Variants in TAC4 observed in about 807,000 individuals in gnomAD.
TAC4 encodes the protein tachykinin-4.
TAC4 carries 17 observed loss-of-function variants against 17.7 expected under a neutral mutation model. That is an observed-to-expected ratio of 0.96 (90% CI 0.66 to 1.44). The LOEUF (loss-of-function observed/expected upper bound fraction) is 1.44, where lower values mean the gene tolerates loss of function less well. Among genes scored for constraint, TAC4 ranks in the 40% most tolerant of loss-of-function variants. The pLI, the probability that TAC4 is intolerant of heterozygous loss-of-function variation, is 0.00. For missense variants in TAC4, 118 were observed against 125.6 expected, an observed-to-expected ratio of 0.94 and a Z score of 0.29; for synonymous variants, 62 against 52.4, an observed-to-expected ratio of 1.18 and a Z score of -0.79.
At position 49,847,894 on chromosome 17, in the gene TAC4, C is replaced by A; in HGVS notation, c.105+19G>T. On this transcript the variant is annotated intron_variant, in intron 1 of 4. Transcript: ENST00000436235. Reference sequence around the variant, plus strand: ...TCGTCAGAGCCTCTCCCCAAAAGTACCTCCAAGGCCACAATTACCCAGGTC... The same window carrying A: ...TCGTCAGAGCCTCTCCCCAAAAGTAACTCCAAGGCCACAATTACCCAGGTC... 1.2e-6 allele frequency: 2 copies of A among 1,613,772 alleles called. No homozygotes were observed. Among genetic ancestry groups the A allele is most frequent in the Non-Finnish European group, 1.7e-6 (2 of 1,179,932 alleles).
At position 49,838,547 on chromosome 17, in the gene TAC4, A is replaced by G. The variant is rs2074472999; in HGVS notation, c.*95T>C. ...AGTGCCAGCGATGAGGACAGGAGACACAGAGAAGAGAGTTGGCCTGCCGGC... is the reference window on the plus strand; with the variant it reads ...AGTGCCAGCGATGAGGACAGGAGACGCAGAGAAGAGAGTTGGCCTGCCGGC... On this transcript the variant is annotated 3_prime_UTR_variant, in exon 5 of 5. Transcript: ENST00000436235. The G allele has an allele frequency of 1.3e-6, 2 of 1,487,274 alleles. No individual in the cohort carries two copies. The highest frequency in any genetic ancestry group is 2.8e-5 in the African/African-American group (2 of 72,260). 92.1% of individuals were successfully genotyped at this position (1,487,274 alleles called of 1,614,324 possible). A position where few individuals can be genotyped will look rare whatever the true frequency, so the allele number is the denominator to read the frequency against.
chr17:49,845,525 C>T (rs151331762), intron 1 of TAC4, among the ~76,000 whole-genome samples: 1 of 152,334 alleles, frequency 6.6e-6, no homozygotes, highest in East Asian at 1.9e-4. Flanking sequence ...GCCCAGCACA[C>T]ATGGGACACA....
In TAC4 at chr17:49,848,010, G is replaced by C; in HGVS notation, c.8C>G (p.Pro3Arg). The C allele has an allele frequency of 6.2e-7, 1 of 1,614,142 alleles. No individual in the cohort carries two copies. Among genetic ancestry groups the C allele is most frequent in the Non-Finnish European group, 8.5e-7 (1 of 1,180,024 alleles). The change falls in exon 1 of 5, where the codon CCT (proline) becomes CGT (arginine). Residue 3 changes from proline to arginine, a missense_variant. Coordinates refer to ENST00000436235, the MANE Select transcript of TAC4 (RefSeq NM_001077506.2). ...CATCAGGAGAAGCAGGGCGAGGCAA[G>C]GCAGCATGGTGAGCCTGCACTGTCC... ML[P>R]CLALLLLMEL...
Position 49,841,541 on chromosome 17 carries a change from G to A in TAC4, c.232+11C>T. On this transcript the variant is annotated intron_variant, in intron 3 of 4. Coordinates refer to ENST00000436235, the MANE Select transcript of TAC4 (RefSeq NM_001077506.2). Reference sequence around the variant, plus strand: ...GGGGGCATGTTGAAGGCAGGTTTGGGCAATACTTACCTTTTTTTCTCCTTG... The same window carrying A: ...GGGGGCATGTTGAAGGCAGGTTTGGACAATACTTACCTTTTTTTCTCCTTG... The A allele has an allele frequency of 6.3e-7, 1 of 1,578,560 alleles. No homozygotes were observed. The highest frequency in any genetic ancestry group is 8.6e-7 in the Non-Finnish European group (1 of 1,163,550).
chr17:49,841,900 TC>T (rs371731544), intron 2 of TAC4, among the ~76,000 whole-genome samples: 1 of 143,862 alleles, frequency 7.0e-6, no homozygotes, highest in East Asian at 2.1e-4. Flanking sequence ...GGAGATTTAA[TC>T]TTTTTTTTTT....
At chr17:49,841,901 CTTTTTTTTTTT>C (rs1161302297) in intron 2 of TAC4, among the ~76,000 whole-genome samples, 10 of 99,134 alleles carry the variant, frequency 1.0e-4, no homozygotes, top group East Asian at 3.0e-4. Flanking sequence ...GAGATTTAAT[CTTTTTTTTTTT>C]TTTTTTTTTT....
At chr17:49,847,789 A>G in intron 1 of TAC4, 124 bp downstream of exon 1, 1 of 1,552,166 alleles carries the variant, frequency 6.4e-7, no homozygotes, top group Non-Finnish European at 8.8e-7. Context: ...GAGTCAGACA[A>G]CTTGCCTTGC....
rs1466148781 is a variant in TAC4 at position 49,847,806 on chromosome 17, C to T, written c.105+107G>A. ...GTCAGACAACTTGCCTTGCAGACTGCCTGCTCTCCCAGCAGCCATGCAGGG... is the reference window on the plus strand; with the variant it reads ...GTCAGACAACTTGCCTTGCAGACTGTCTGCTCTCCCAGCAGCCATGCAGGG... On this transcript the variant is annotated intron_variant, in intron 1 of 4. Transcript: ENST00000436235. 5.7e-6 allele frequency: 9 copies of T among 1,580,002 alleles called. No individual in the cohort carries two copies. The East Asian group carries it at 1.6e-4, about 28-fold the overall frequency.
At chr17:49,841,506 G>C (rs764385854) in intron 3 of TAC4, 46 bp downstream of exon 3, 211 of 1,530,168 alleles carry the variant, frequency 1.4e-4, no homozygotes, top group Non-Finnish European at 1.8e-4. Flanking sequence ...GGACAACTCA[G>C]CCCTCCCTAG....
intron 1 of TAC4, 111 bp from the exon 2 acceptor site, chr17:49,844,268 C>A: frequency 1.1e-6 from 1 of 936,434 alleles, no homozygotes; most frequent in Non-Finnish European, 1.7e-6. Context: ...CAGAGACTTG[C>A]TGTGCACTGG....
rs750642178 is a variant in TAC4 at position 49,847,959 on chromosome 17, C to T, written c.59G>A (p.Gly20Asp). 6.2e-7 allele frequency: 1 copy of T among 1,614,114 alleles called. No individual in the cohort carries two copies. The highest frequency in any genetic ancestry group is 1.3e-5 in the African/African-American group (1 of 74,940). ...LMELSVCTVA[G>D]DGGEEQTLST... ...GAGTGTCTGTTCCTCTCCACCATCA[C>T]CTGCCACAGTGCACACGGACAGCTC... The change falls in exon 1 of 5, where the codon GGT (glycine) becomes GAT (aspartate). Residue 20 changes from glycine (G) to aspartate (D), a missense_variant. Gly to Asp is a moderately conservative substitution (Grantham distance 94). Transcript: ENST00000436235.
At chr17:49,843,953 G>T in intron 2 of TAC4, 111 bp downstream of exon 2, 1 of 910,584 alleles carries the variant, frequency 1.1e-6, no homozygotes, top group Non-Finnish European at 1.8e-6. Flanking sequence ...ACCCCTACTG[G>T]ACTGGAGTAC....
chr17:49,842,739 T>C (rs941163820), intron 2 of TAC4, among the ~76,000 whole-genome samples: 17 of 152,292 alleles, frequency 1.1e-4, no homozygotes, highest in Admixed American at 3.3e-4. Context: ...TTCTCCCCCC[T>C]CATCTCCACT....
chr17:49,846,452 A>T (rs2074540907), intron 1 of TAC4, among the ~76,000 whole-genome samples: 1 of 151,908 alleles, frequency 6.6e-6, no homozygotes, highest in African/African-American at 2.4e-5. Flanking sequence ...AATTTTGTTT[A>T]TGTTTTGTAG....
At chr17:49,845,624 C>G (rs1258339043) in intron 1 of TAC4, among the ~76,000 whole-genome samples, 1 of 152,126 alleles carries the variant, frequency 6.6e-6, no homozygotes, top group Non-Finnish European at 1.5e-5. Flanking sequence ...TAAAGATAGA[C>G]AAACAGAGCC....
chr17:49,838,636 G>T lies in TAC4; in HGVS notation c.*6C>A. 6.2e-7 allele frequency: 1 copy of T among 1,613,702 alleles called. No individual in the cohort carries two copies. Among genetic ancestry groups the T allele is most frequent in the South Asian group, 1.1e-5 (1 of 90,994 alleles). Reference sequence around the variant, plus strand: ...GTGTCCTCTGGGAAGTCTGTGGTGGGGGCTTTTACTCTGAACCTTGGGCCT... The same window carrying T: ...GTGTCCTCTGGGAAGTCTGTGGTGGTGGCTTTTACTCTGAACCTTGGGCCT... On this transcript the variant is annotated 3_prime_UTR_variant, in exon 5 of 5. Transcript: ENST00000436235.
chr17:49,842,126 G>A (rs933799047), intron 2 of TAC4, among the ~76,000 whole-genome samples: 12 of 150,954 alleles, frequency 7.9e-5, no homozygotes, highest in African/African-American at 2.9e-4. Flanking sequence ...GGATGGTCTC[G>A]ATCTCCTGAC....
At chr17:49,847,179 A>G (rs1213246917) in intron 1 of TAC4, 5 of 1,289,970 alleles carry the variant, frequency 3.9e-6, no homozygotes, top group Non-Finnish European at 5.1e-6. Flanking sequence ...GGGAGGAGTC[A>G]GGCCCAGCCT....
chr17:49,845,904 A>C, intron 1 of TAC4: 1 of 187,532 alleles, frequency 5.3e-6, no homozygotes, highest in South Asian at 8.6e-5. Context: ...TGGCTGGGGC[A>C]TCTATCTTGA....
Sources: gnomAD v4.1 joint callset for allele counts (sites outside exome capture counted in the v4.1 genomes callset) on GRCh38, gnomAD v4.1.1 for gene constraint, MANE v1.5 for transcripts, NCBI Gene and HGNC (gene_info 2026-07-23, HGNC 2026-07-21) for gene names.